PDE1C: variants seen among roughly 807,000 people sequenced by gnomAD.
PDE1C encodes dual specificity calcium/calmodulin-dependent 3',5'-cyclic nucleotide phosphodiesterase 1C.
Under a neutral mutation model 93.1 loss-of-function variants are expected in PDE1C, and 62 were observed. That is an observed-to-expected ratio of 0.67 (90% CI 0.54 to 0.82). The LOEUF (loss-of-function observed/expected upper bound fraction) is 0.82, where lower values mean the gene tolerates loss of function less well. Ranked by LOEUF, PDE1C falls within the 40% of genes least tolerant of loss-of-function variation. The pLI is 0.00. For synonymous variants in PDE1C, 325 were observed against 310.1 expected (o/e 1.05, Z -0.50); for missense variants, 742 against 884.6 (o/e 0.84, Z 2.04).
chr7:31,624,821 C>G, the PDE1C span, among the ~76,000 whole-genome samples: 1 of 152,134 alleles, frequency 6.6e-6, no homozygotes, highest in Non-Finnish European at 1.5e-5. Flanking sequence ...AAACTACCAT[C>G]AGAGTGAACA....
the PDE1C span, among the ~76,000 whole-genome samples, chr7:31,638,180 T>A: frequency 6.6e-6 from 1 of 152,212 alleles, no homozygotes; most frequent in Non-Finnish European, 1.5e-5. Flanking sequence ...ACAGTTGATA[T>A]AAGGAGGAAA....
intron 1 of PDE1C, among the ~76,000 whole-genome samples, chr7:32,255,575 A>C (rs935511636): frequency 6.6e-6 from 1 of 152,230 alleles, no homozygotes; most frequent in African/African-American, 2.4e-5. Context: ...ACTAAGTATC[A>C]CATTAGACAT....
intron 3 of PDE1C, among the ~76,000 whole-genome samples, chr7:32,106,517 TA>T (rs1798321007): frequency 6.6e-6 from 1 of 151,882 alleles, no homozygotes; most frequent in African/African-American, 2.4e-5. Flanking sequence ...ATGGAAACTT[TA>T]AAAAAACTAC....
chr7:32,273,620 G>A (rs1811105957), intron 1 of PDE1C, among the ~76,000 whole-genome samples: 1 of 152,142 alleles, frequency 6.6e-6, no homozygotes, highest in South Asian at 2.1e-4. Context: ...AGATGAGCAT[G>A]GGGGTTTTCA....
At chr7:31,782,648 A>G (rs1341361703) in intron 16 of PDE1C, among the ~76,000 whole-genome samples, 7 of 152,246 alleles carry the variant, frequency 4.6e-5, no homozygotes, top group Non-Finnish European at 1.0e-4. Context: ...GCTGGATGCC[A>G]TAAAGGATGT....
chr7:31,926,147 A>C (rs913909230), intron 2 of PDE1C, among the ~76,000 whole-genome samples: 4 of 152,190 alleles, frequency 2.6e-5, no homozygotes, highest in African/African-American at 9.7e-5. Context: ...ACACACACAC[A>C]CACACAATTA....
intron 16 of PDE1C, chr7:31,789,481 A>G (rs2072423): frequency 0.79 from 174,846 of 220,892 alleles, 70,384 homozygotes; most frequent in Non-Finnish European, 0.86. Context: ...CTTAGTTATC[A>G]ATGCTACCAG....
In PDE1C at chr7:31,996,813, T is replaced by C. The variant is rs1296498640; in HGVS notation, c.128+54741A>G. 1.3e-5 allele frequency among the ~76,000 whole-genome samples: 2 copies of C among 152,100 alleles called. 1 individual carries two copies. The highest frequency in any genetic ancestry group is 1.3e-4 in the Admixed American group (2 of 15,274). On this transcript the variant is annotated intron_variant, in intron 2 of 17. Coordinates refer to ENST00000396191, the MANE Select transcript of PDE1C (RefSeq NM_001191057.4). ...CTTATTTTAAGAAATATTTGAAAAC[T>C]CAAGAAGTAGTTTAAAAAAGAGAAA... is the stretch of plus-strand genomic sequence containing the variant.
At chr7:31,866,843 T>C (rs906811945) in intron 6 of PDE1C, among the ~76,000 whole-genome samples, 10 of 152,048 alleles carry the variant, frequency 6.6e-5, no homozygotes, top group Non-Finnish European at 1.0e-4. Flanking sequence ...CATTCCCACC[T>C]TGGACTCCTG....
At chr7:31,790,105 G>A in intron 16 of PDE1C, 1 of 1,531,666 alleles carries the variant, frequency 6.5e-7, no homozygotes, top group South Asian at 1.3e-5. Context: ...AGGGTCAGGG[G>A]GTGGGGGGCT....
At chr7:31,798,687 A>C (rs1261059371) in intron 16 of PDE1C, among the ~76,000 whole-genome samples, 1 of 151,792 alleles carries the variant, frequency 6.6e-6, no homozygotes, top group African/African-American at 2.4e-5. Flanking sequence ...AAGGAATTAC[A>C]AAATTCTCCA....
intron 16 of PDE1C, among the ~76,000 whole-genome samples, chr7:31,806,199 G>A (rs1786800945): frequency 6.6e-6 from 1 of 151,866 alleles, no homozygotes; most frequent in Non-Finnish European, 1.5e-5. Context: ...ATCATAATCT[G>A]TTGTTTGAGA....
chr7:31,853,837 G>C (rs1012651000), intron 7 of PDE1C, among the ~76,000 whole-genome samples: 1 of 150,734 alleles, frequency 6.6e-6, no homozygotes, highest in Non-Finnish European at 1.5e-5. Flanking sequence ...AGCCTCCCAA[G>C]TAAGGGCTGG....
chr7:32,298,607 C>T, intron 1 of PDE1C: 2 of 1,562,188 alleles, frequency 1.3e-6, no homozygotes, highest in Non-Finnish European at 1.7e-6. Context: ...CCGGAGAGGG[C>T]GTTTGCCCGA....
At chr7:31,771,914 T>C (rs1410948567) in intron 17 of PDE1C, among the ~76,000 whole-genome samples, 2 of 151,806 alleles carry the variant, frequency 1.3e-5, no homozygotes, top group African/African-American at 2.4e-5. Flanking sequence ...GGCGTGGTGG[T>C]GGGTGCCTGT....
At chr7:32,052,695 T>C (rs1793554517) in intron 1 of PDE1C, among the ~76,000 whole-genome samples, 1 of 152,172 alleles carries the variant, frequency 6.6e-6, no homozygotes, top group Non-Finnish European at 1.5e-5. Flanking sequence ...AGGTTTCAAA[T>C]TGAGAATCAC....
At chr7:31,863,037 A>G (rs2128832500) in intron 7 of PDE1C, among the ~76,000 whole-genome samples, 1 of 152,314 alleles carries the variant, frequency 6.6e-6, no homozygotes, top group African/African-American at 2.4e-5. Flanking sequence ...AACTTTGAAT[A>G]GTATTGCTTT....
chr7:32,341,173 C>CTTTTTTTTTTTTTT (rs3079623), intron 1 of PDE1C, among the ~76,000 whole-genome samples: 9 of 84,958 alleles, frequency 1.1e-4, no homozygotes, highest in Admixed American at 3.5e-4. Context: ...GAAATAAAGT[C>CTTTTTTTTTTTTTT]TTTTTTTTTT....
chr7:32,222,560 T>C (rs1047580836), intron 1 of PDE1C, among the ~76,000 whole-genome samples: 10 of 152,224 alleles, frequency 6.6e-5, no homozygotes, highest in African/African-American at 2.4e-4. Flanking sequence ...GCTTGGCATC[T>C]TATCTTCTAA....
Sources: allele counts gnomAD v4.1 joint callset (sites outside exome capture counted in the v4.1 genomes callset), GRCh38; gene constraint gnomAD v4.1.1; transcripts MANE v1.5; gene names NCBI Gene and HGNC (gene_info 2026-07-23, HGNC 2026-07-21).